NFATC2: variants seen among roughly 807,000 people sequenced by gnomAD.
NFATC2 encodes the protein nuclear factor of activated T cells 2.
Under a neutral mutation model 87.3 loss-of-function variants are expected in NFATC2, and 22 were observed. That is an observed-to-expected ratio of 0.25 (90% CI 0.18 to 0.36). The LOEUF is 0.36. NFATC2 is among the 10% of genes least tolerant of loss of function. NFATC2 has a pLI of 1.00. For missense variants in NFATC2, 1,149 were observed against 1,259.1 expected (o/e 0.91, Z 1.32); for synonymous variants, 565 against 542.2 (o/e 1.04, Z -0.58).
chr20:51,435,444 G>T, intron 7 of NFATC2, 130 bp from the exon 8 acceptor site: 1 of 1,349,698 alleles, frequency 7.4e-7, no homozygotes, highest in Non-Finnish European at 1.0e-6. Flanking sequence ...TACAGGGGAA[G>T]TTCAATTTCA....
At chr20:51,502,533 G>C (rs991145462) in intron 3 of NFATC2, among the ~76,000 whole-genome samples, 2 of 152,086 alleles carry the variant, frequency 1.3e-5, no homozygotes, top group Non-Finnish European at 2.9e-5. Flanking sequence ...CAAGGGTCTG[G>C]TAATGTTGCC....
chr20:51,560,051 T>C (rs890250910), intron 1 of NFATC2, among the ~76,000 whole-genome samples: 2 of 152,248 alleles, frequency 1.3e-5, no homozygotes, highest in Admixed American at 1.3e-4. Flanking sequence ...CTTCAAAGAA[T>C]GTTTACTGTC....
intron 1 of NFATC2, among the ~76,000 whole-genome samples, chr20:51,538,500 G>C (rs1156955164): frequency 2.0e-5 from 3 of 152,198 alleles, no homozygotes; most frequent in Non-Finnish European, 4.4e-5. Context: ...TCACTATCAT[G>C]TAACACTCTA....
At chr20:51,434,316 C>A (rs1290206141) in intron 8 of NFATC2, among the ~76,000 whole-genome samples, 2 of 152,206 alleles carry the variant, frequency 1.3e-5, no homozygotes, top group Non-Finnish European at 2.9e-5. Context: ...CCCTGAGAAA[C>A]TGTCATAGGA....
chr20:51,398,211 G>A (rs1987500303), intron 10 of NFATC2, among the ~76,000 whole-genome samples: 1 of 152,176 alleles, frequency 6.6e-6, no homozygotes, highest in African/African-American at 2.4e-5. Context: ...ACAGGGCGGG[G>A]CTTCCTCAGT....
At chr20:51,474,963 C>CTTTT (rs1387504137) in intron 4 of NFATC2, among the ~76,000 whole-genome samples, 1 of 147,162 alleles carries the variant, frequency 6.8e-6, no homozygotes, top group Non-Finnish European at 1.5e-5. Flanking sequence ...ACATATTATA[C>CTTTT]TTTATTTATT....
chr20:51,492,615 G>A (rs1035629840), intron 3 of NFATC2, among the ~76,000 whole-genome samples: 4 of 152,190 alleles, frequency 2.6e-5, no homozygotes, highest in African/African-American at 9.6e-5. Flanking sequence ...CCCTCTGCGC[G>A]GCTTCAAAGG....
At position 51,524,253 on chromosome 20, in the gene NFATC2, G is replaced by A. The variant is rs116546968; in HGVS notation, c.131-143C>T. The A allele has an allele frequency of 1.8e-3, 1,350 of 730,716 alleles. 15 individuals carry two copies. The African/African-American group carries it at 0.021, about 11-fold the overall frequency. The allele number at this position is 730,716 out of a possible 1,614,324, so 45.3% of individuals were successfully genotyped here. On this transcript the variant is annotated intron_variant, in intron 1 of 10. Transcript: ENST00000371564. The surrounding 1 kb of genome is among the most constrained non-coding windows in gnomAD (Gnocchi z 4.0). Reference sequence around the variant, plus strand: ...TGCCAAACCCCAAGCTAGAAGCTCCGTCCCTCACCAGAAGAAAACTGAGGC... The same window carrying A: ...TGCCAAACCCCAAGCTAGAAGCTCCATCCCTCACCAGAAGAAAACTGAGGC...
chr20:51,440,074 T>C (rs1347658722), intron 6 of NFATC2, among the ~76,000 whole-genome samples: 1 of 151,950 alleles, frequency 6.6e-6, no homozygotes, highest in Non-Finnish European at 1.5e-5. Flanking sequence ...CCGTCTCTAC[T>C]AAAAATACAA....
intron 1 of NFATC2, among the ~76,000 whole-genome samples, chr20:51,540,663 T>TTTTTGTTTTGTTTG (rs1555818357): frequency 7.4e-6 from 1 of 135,692 alleles, no homozygotes. Context: ...TTTTTGTTTT[T>TTTTTGTTTTGTTTG]TTTTTTTTGA....
intron 5 of NFATC2, among the ~76,000 whole-genome samples, chr20:51,467,317 GAGGTGGAGGC>G (rs1987784626): frequency 6.6e-6 from 1 of 152,132 alleles, no homozygotes; most frequent in Admixed American, 6.5e-5. Flanking sequence ...AACAGTTTGG[GAGGTGGAGGC>G]AGGTGGATCA....
At chr20:51,434,158 C>T (rs867483587) in intron 8 of NFATC2, among the ~76,000 whole-genome samples, 23 of 152,032 alleles carry the variant, frequency 1.5e-4, no homozygotes, top group African/African-American at 5.3e-4. Flanking sequence ...AGGGTCAACA[C>T]AAAACTGTGG....
chr20:51,554,359 T>G (rs2037665998), intron 1 of NFATC2, among the ~76,000 whole-genome samples: 1 of 152,220 alleles, frequency 6.6e-6, no homozygotes, highest in Admixed American at 6.5e-5. Flanking sequence ...CCAGGAGCTC[T>G]GCATCTGTTA....
chr20:51,446,529 C>T (rs1985075469), intron 6 of NFATC2, among the ~76,000 whole-genome samples: 1 of 152,094 alleles, frequency 6.6e-6, no homozygotes, highest in South Asian at 2.1e-4. Context: ...GCCTTTGGTA[C>T]CAGGAACAAT....
intron 3 of NFATC2, among the ~76,000 whole-genome samples, chr20:51,477,535 C>CTATATATATA (rs11467129): frequency 2.1e-4 from 15 of 72,716 alleles, no homozygotes; most frequent in African/African-American, 3.0e-4. Context: ...GTGTGTGTGT[C>CTATATATATA]TATATATATA....
intron 9 of NFATC2, among the ~76,000 whole-genome samples, chr20:51,418,232 G>T (rs1980320643): frequency 6.6e-6 from 1 of 152,200 alleles, no homozygotes; most frequent in Admixed American, 6.5e-5. Flanking sequence ...AACACACATG[G>T]TGTGGTCAGC....
chr20:51,435,620 T>A, intron 7 of NFATC2, 86 bp downstream of exon 7: 17 of 1,425,136 alleles, frequency 1.2e-5, no homozygotes, highest in Non-Finnish European at 1.6e-5. Flanking sequence ...GGGACACTGA[T>A]GAAGGAAGGA....
intron 1 of NFATC2, among the ~76,000 whole-genome samples, chr20:51,551,438 CA>C (rs1311202988): frequency 6.6e-6 from 1 of 152,092 alleles, no homozygotes; most frequent in African/African-American, 2.4e-5. Flanking sequence ...GGGTCCCACT[CA>C]GTCACCCAGG....
chr20:51,501,950 G>A (rs925170719), intron 3 of NFATC2, among the ~76,000 whole-genome samples: 1 of 152,218 alleles, frequency 6.6e-6, no homozygotes, highest in Non-Finnish European at 1.5e-5. Context: ...AAATACGTAG[G>A]TGTGGCTGTG....
Sources: allele counts gnomAD v4.1 joint callset (sites outside exome capture counted in the v4.1 genomes callset), GRCh38; gene constraint gnomAD v4.1.1; non-coding constraint Gnocchi (gnomAD v3.1); transcripts MANE v1.5; gene names NCBI Gene and HGNC (gene_info 2026-07-23, HGNC 2026-07-21).